MAP4K5: variants seen among roughly 807,000 people sequenced by gnomAD.
MAP4K5 encodes MAPK/ERK kinase kinase kinase 5.
In MAP4K5, 82 loss-of-function variants were observed where a neutral mutation model predicts 135.6. That is an observed-to-expected ratio of 0.60 (90% CI 0.51 to 0.73). The LOEUF (loss-of-function observed/expected upper bound fraction) is 0.73, where lower values mean the gene tolerates loss of function less well. MAP4K5 is among the 30% of genes least tolerant of loss of function. The probability of loss-of-function intolerance (pLI) is 0.00; values close to 1 mark genes in which losing one functional copy is unlikely to be tolerated. For synonymous variants in MAP4K5, 347 were observed against 335.0 expected (o/e 1.04, Z -0.39); for missense variants, 907 against 1,010.9 (o/e 0.90, Z 1.39).
At chr14:50,490,524 G>C (rs1189786494) in intron 3 of MAP4K5, among the ~76,000 whole-genome samples, 1 of 152,146 alleles carries the variant, frequency 6.6e-6, no homozygotes, top group Non-Finnish European at 1.5e-5. Flanking sequence ...GTGTTTCAAG[G>C]CTGACATTAA....
At chr14:50,537,544 G>A (rs111654730), upstream of MAP4K5, among the ~76,000 whole-genome samples, 5,679 of 152,278 alleles carry the variant, frequency 0.037, 101 homozygotes, top group Middle Eastern at 0.058. Flanking sequence ...AGCTTGCACC[G>A]TGCACCTGGA....
chr14:50,477,821 T>C (rs2037136763), intron 6 of MAP4K5, among the ~76,000 whole-genome samples: 1 of 152,202 alleles, frequency 6.6e-6, no homozygotes, highest in South Asian at 2.1e-4. Flanking sequence ...ACTTATGATG[T>C]ATTAACTTTT....
intron 11 of MAP4K5, among the ~76,000 whole-genome samples, chr14:50,466,381 CA>C (rs1194669006): frequency 6.2e-3 from 341 of 54,590 alleles, no homozygotes; most frequent in Admixed American, 0.011. Flanking sequence ...AATCCTGTCT[CA>C]AAAAAAAAAA....
intron 10 of MAP4K5, among the ~76,000 whole-genome samples, chr14:50,467,895 T>TATA (rs1452054167): frequency 6.6e-6 from 1 of 152,140 alleles, no homozygotes; most frequent in African/African-American, 2.4e-5. Context: ...ATGATTTCCT[T>TATA]ATATAGTATA....
chr14:50,520,551 T>C (rs11852144), intron 2 of MAP4K5, among the ~76,000 whole-genome samples: 1,621 of 152,214 alleles, frequency 0.011, 32 homozygotes, highest in African/African-American at 0.037. Context: ...GTCCTAATTA[T>C]CCTAAATCAG....
intron 2 of MAP4K5, among the ~76,000 whole-genome samples, chr14:50,525,259 TG>T (rs1193134244): frequency 6.6e-6 from 1 of 152,178 alleles, no homozygotes; most frequent in Admixed American, 6.5e-5. Context: ...TCCACATATT[TG>T]GTATTTCCTA....
At chr14:50,492,693 A>G (rs1052432257) in intron 3 of MAP4K5, among the ~76,000 whole-genome samples, 1 of 152,212 alleles carries the variant, frequency 6.6e-6, no homozygotes, top group African/African-American at 2.4e-5. Flanking sequence ...CTGGTAAGAT[A>G]TATCTGGTTG....
At chr14:50,466,542 C>A (rs769091806) in intron 11 of MAP4K5, 41 bp downstream of exon 11, 11 of 1,006,060 alleles carry the variant, frequency 1.1e-5, no homozygotes, top group Non-Finnish European at 1.5e-5. Flanking sequence ...ATACTCCTTT[C>A]GATTGTAAAA....
In MAP4K5 at chr14:50,437,478, A is replaced by G; in HGVS notation, c.1880T>C (p.Ile627Thr). Residue 627 changes from isoleucine to threonine, a missense_variant and splice_region_variant, in exon 26 of 33, where the codon ATA becomes ACA. By Grantham distance (89) the Ile-to-Thr change is moderately conservative. Coordinates refer to ENST00000682126, the MANE Select transcript of MAP4K5 (RefSeq NM_006575.6). ...TTTGAGAAATACCATTTACTCACCT[A>G]TGCAACATTTGTGGCAGCCTTTTGT... ...PDTKGCHKCC[I>T]VRNPYTGHKY... The G allele has an allele frequency of 6.3e-7, 1 of 1,599,298 alleles. No individual in the cohort carries two copies. Among genetic ancestry groups the G allele is most frequent in the Non-Finnish European group, 8.5e-7 (1 of 1,173,558 alleles).
intron 32 of MAP4K5, among the ~76,000 whole-genome samples, chr14:50,422,592 A>C (rs1384719940): frequency 1.3e-5 from 2 of 152,170 alleles, no homozygotes; most frequent in Admixed American, 1.3e-4. Flanking sequence ...AAAAAGAAAA[A>C]AAGAAGTAGG....
At chr14:50,464,243 G>A in intron 11 of MAP4K5, 110 bp from the exon 12 acceptor site, 1 of 603,440 alleles carries the variant, frequency 1.7e-6, no homozygotes, top group Non-Finnish European at 2.9e-6. Context: ...ATTTTTTATT[G>A]GGCCACTTAG....
chr14:50,446,627 T>C (rs991621508), intron 16 of MAP4K5, among the ~76,000 whole-genome samples: 1 of 152,168 alleles, frequency 6.6e-6, no homozygotes, highest in South Asian at 2.1e-4. Flanking sequence ...TCCACAGTCA[T>C]TGCAATCAAT....
chr14:50,485,454 C>A, intron 5 of MAP4K5, 124 bp downstream of exon 5: 1 of 633,800 alleles, frequency 1.6e-6, no homozygotes, highest in South Asian at 2.2e-5. Context: ...TTATGCAGTG[C>A]TCCGGGAACA....
intron 9 of MAP4K5, among the ~76,000 whole-genome samples, chr14:50,469,253 C>T (rs1480548619): frequency 6.6e-6 from 1 of 152,150 alleles, no homozygotes; most frequent in Non-Finnish European, 1.5e-5. Flanking sequence ...AGGGGCCATA[C>T]ATTGCTGGCT....
intron 1 of MAP4K5, among the ~76,000 whole-genome samples, chr14:50,544,810 C>T (rs1565834): frequency 0.2 from 30,902 of 151,430 alleles, 3,910 homozygotes; most frequent in Non-Finnish European, 0.28. Context: ...GGTGGCATGA[C>T]GCTATAAATG....
chr14:50,426,680 C>T (rs953631105), intron 30 of MAP4K5, among the ~76,000 whole-genome samples: 29 of 152,182 alleles, frequency 1.9e-4, no homozygotes, highest in Non-Finnish European at 2.9e-5. Context: ...GCCGAGATCA[C>T]GTCACTTCAC....
chr14:50,472,583 T>C (rs2036990822), intron 9 of MAP4K5: 1 of 152,182 alleles, frequency 6.6e-6, no homozygotes, highest in Admixed American at 6.5e-5. Flanking sequence ...AATATGCATG[T>C]AAACAATGTG....
chr14:50,463,554 A>T (rs1245228421), intron 12 of MAP4K5, among the ~76,000 whole-genome samples: 1 of 152,130 alleles, frequency 6.6e-6, no homozygotes, highest in Non-Finnish European at 1.5e-5. Context: ...TGTATGGCCC[A>T]CAAAGTTTAA....
intron 1 of MAP4K5, among the ~76,000 whole-genome samples, chr14:50,544,808 G>T (rs533860716): frequency 1.3e-5 from 2 of 151,892 alleles, no homozygotes; most frequent in African/African-American, 4.8e-5. Context: ...ATGGTGGCAT[G>T]ACGCTATAAA....
Sources: gnomAD v4.1 joint callset for allele counts (sites outside exome capture counted in the v4.1 genomes callset) on GRCh38, gnomAD v4.1.1 for gene constraint, MANE v1.5 for transcripts, NCBI Gene and HGNC (gene_info 2026-07-23, HGNC 2026-07-21) for gene names.